CMKLR1: variants seen among roughly 807,000 people sequenced by gnomAD.
CMKLR1 encodes the protein chemerin chemokine-like receptor 1.
A neutral mutation model predicts 8.2 loss-of-function variants in CMKLR1; 6 were observed. The observed-to-expected ratio is 0.73, with a 90% confidence interval of 0.40 to 1.44. CMKLR1 has a LOEUF of 1.44. Ranked by LOEUF, CMKLR1 falls within the 40% of genes most tolerant of loss-of-function variation. The pLI is 0.02. For missense variants in CMKLR1, 429 were observed against 478.0 expected (o/e 0.90, Z 0.96); for synonymous variants, 178 against 181.2 (o/e 0.98, Z 0.14).
Position 108,339,125 on chromosome 12 carries a change from C to A in CMKLR1, c.-385G>T, listed in dbSNP as rs542121444. On this transcript the variant is annotated 5_prime_UTR_variant, in exon 1 of 4. Coordinates refer to ENST00000550402, the MANE Select transcript of CMKLR1 (RefSeq NM_001142343.2). ...GAGACTTGCACACCCTGGCTTCTTTCTGCCAATCACAGGCTCCTCTGGCTG... is the reference window on the plus strand; with the variant it reads ...GAGACTTGCACACCCTGGCTTCTTTATGCCAATCACAGGCTCCTCTGGCTG... 1.3e-5 allele frequency: 2 copies of A among 152,382 alleles called. No individual in the cohort carries two copies. Among genetic ancestry groups the A allele is most frequent in the African/African-American group, 4.8e-5 (2 of 41,566 alleles). The allele number at this position is 152,382 out of a possible 1,614,324, so 9.4% of individuals were successfully genotyped here.
At chr12:108,329,135 C>T (rs1258648805) in intron 2 of CMKLR1, among the ~76,000 whole-genome samples, 1 of 152,202 alleles carries the variant, frequency 6.6e-6, no homozygotes, top group Admixed American at 6.5e-5. Context: ...CTTCCATTGT[C>T]CAAATGTTCA....
At chr12:108,312,173 A>C (rs1028918729) in intron 2 of CMKLR1, among the ~76,000 whole-genome samples, 2 of 152,214 alleles carry the variant, frequency 1.3e-5, no homozygotes, top group African/African-American at 4.8e-5. Context: ...TCCATTTCAC[A>C]GATGTTGAAA....
chr12:108,290,364 T>C lies in CMKLR1; in HGVS notation c.*1477A>G, dbSNP rs1890930058. The C allele has an allele frequency of 6.6e-6, 1 of 152,204 alleles. No homozygotes were observed. Among genetic ancestry groups the C allele is most frequent in the Non-Finnish European group, 1.5e-5 (1 of 68,030 alleles). The allele number at this position is 152,204 out of a possible 1,614,324, so 9.4% of individuals were successfully genotyped here. ...ACCTCTCTAAGCCTCAGATTCCTCC[T>C]ATGTAAAAGGGAAGTTATAACCATA... On this transcript the variant is annotated 3_prime_UTR_variant, in exon 4 of 4. Coordinates refer to ENST00000550402, the MANE Select transcript of CMKLR1 (RefSeq NM_001142343.2).
chr12:108,338,656 A>G (rs576195372), intron 1 of CMKLR1, among the ~76,000 whole-genome samples: 19 of 152,178 alleles, frequency 1.2e-4, no homozygotes, highest in Non-Finnish European at 2.5e-4. Flanking sequence ...TCATTGCAGC[A>G]CTGTTCTAAT....
At chr12:108,333,482 T>C (rs1892153273) in intron 1 of CMKLR1, among the ~76,000 whole-genome samples, 1 of 152,176 alleles carries the variant, frequency 6.6e-6, no homozygotes, top group Non-Finnish European at 1.5e-5. Context: ...CACCCAGATG[T>C]GCAAAGGCCA....
chr12:108,291,500 T>C lies in CMKLR1; in HGVS notation c.*341A>G, dbSNP rs1310258384. The stretch of plus-strand genomic sequence containing the variant: ...AATGGACCTTGGAGAGTGTCATTTC[T>C]GGGGCACACACAATAGGCAGCTTAA... On this transcript the variant is annotated 3_prime_UTR_variant, in exon 4 of 4. Transcript: ENST00000550402. The C allele has an allele frequency of 3.8e-6, 1 of 259,834 alleles. No homozygotes were observed. Among genetic ancestry groups the C allele is most frequent in the Non-Finnish European group, 7.3e-6 (1 of 136,170 alleles). The allele number at this position is 259,834 out of a possible 1,614,324, so 16.1% of individuals were successfully genotyped here.
chr12:108,313,362 C>T (rs1208332632), intron 2 of CMKLR1, among the ~76,000 whole-genome samples: 2 of 151,166 alleles, frequency 1.3e-5, no homozygotes, highest in African/African-American at 2.4e-5. Context: ...GCTTTAGGAT[C>T]AAGGGGTCTC....
chr12:108,296,794 C>T (rs944599278), intron 2 of CMKLR1, among the ~76,000 whole-genome samples: 22 of 151,652 alleles, frequency 1.5e-4, no homozygotes, highest in Non-Finnish European at 2.4e-4. Context: ...CATTGCACTC[C>T]AGCCTGGACC....
At chr12:108,317,657 T>C (rs979191562) in intron 2 of CMKLR1, among the ~76,000 whole-genome samples, 2 of 152,248 alleles carry the variant, frequency 1.3e-5, no homozygotes, top group African/African-American at 4.8e-5. Context: ...CCTTAGAATT[T>C]ACAACACACA....
chr12:108,327,030 G>A (rs1025368884), intron 2 of CMKLR1, among the ~76,000 whole-genome samples: 3 of 152,034 alleles, frequency 2.0e-5, no homozygotes, highest in Admixed American at 6.6e-5. Flanking sequence ...ACTGATCCAG[G>A]ATCACCCAGC....
intron 2 of CMKLR1, among the ~76,000 whole-genome samples, chr12:108,295,285 G>T (rs957799349): frequency 6.6e-6 from 1 of 152,250 alleles, no homozygotes; most frequent in Non-Finnish European, 1.5e-5. Context: ...AAGCATGCAG[G>T]CAGGGGCTGG....
intron 2 of CMKLR1, among the ~76,000 whole-genome samples, chr12:108,313,806 G>A (rs4365101): frequency 0.085 from 12,918 of 152,242 alleles, 663 homozygotes; most frequent in Admixed American, 0.17. Context: ...AGAAAGACTT[G>A]TCAAGTCATT....
chr12:108,305,848 G>A (rs1199542269), intron 2 of CMKLR1, among the ~76,000 whole-genome samples: 8 of 152,148 alleles, frequency 5.3e-5, no homozygotes, highest in Non-Finnish European at 8.8e-5. Flanking sequence ...AAGGGGCCAC[G>A]ACGGAGCTTA....
chr12:108,290,811 G>C lies in CMKLR1; in HGVS notation c.*1030C>G, dbSNP rs922744477. Reference sequence around the variant, plus strand: ...GTCCTCGGACATACTCTTCTTCCCAGGGGACTCTCCGGAGTTGCTTCCCAA... The same window carrying C: ...GTCCTCGGACATACTCTTCTTCCCACGGGACTCTCCGGAGTTGCTTCCCAA... On this transcript the variant is annotated 3_prime_UTR_variant, in exon 4 of 4. Transcript: ENST00000550402. 3.9e-5 allele frequency: 6 copies of C among 152,252 alleles called. No homozygotes were observed. Among genetic ancestry groups the C allele is most frequent in the Non-Finnish European group, 8.8e-5 (6 of 68,054 alleles). 9.4% of individuals were successfully genotyped at this position (152,252 alleles called of 1,614,324 possible).
At chr12:108,335,625 A>C (rs1892203712) in intron 1 of CMKLR1, among the ~76,000 whole-genome samples, 1 of 152,244 alleles carries the variant, frequency 6.6e-6, no homozygotes, top group South Asian at 2.1e-4. Flanking sequence ...CCAAAGAGTA[A>C]GAGTGCCTTG....
intron 1 of CMKLR1, among the ~76,000 whole-genome samples, chr12:108,334,842 T>C (rs1448613732): frequency 6.6e-6 from 1 of 152,178 alleles, no homozygotes. Flanking sequence ...CATGTAGGCT[T>C]GTAGGGAGAT....
intron 2 of CMKLR1, among the ~76,000 whole-genome samples, chr12:108,325,626 A>G (rs1398659332): frequency 6.6e-6 from 1 of 152,184 alleles, no homozygotes; most frequent in Non-Finnish European, 1.5e-5. Context: ...AGATAACCCT[A>G]TGAGGCAACA....
chr12:108,305,182 A>G (rs1451892994), intron 2 of CMKLR1, among the ~76,000 whole-genome samples: 7 of 152,202 alleles, frequency 4.6e-5, no homozygotes, highest in Non-Finnish European at 1.0e-4. Context: ...TCTCTTGTTT[A>G]TGGTGTATCC....
chr12:108,317,866 C>G (rs1260127703), intron 2 of CMKLR1: 2 of 152,236 alleles, frequency 1.3e-5, no homozygotes, highest in African/African-American at 4.8e-5. Flanking sequence ...CTGTACCCAC[C>G]TCCCTATGTT....
Sources: allele counts gnomAD v4.1 joint callset (sites outside exome capture counted in the v4.1 genomes callset), GRCh38; gene constraint gnomAD v4.1.1; transcripts MANE v1.5; gene names NCBI Gene and HGNC (gene_info 2026-07-23, HGNC 2026-07-21).